Variants in COL23A1 observed in about 807,000 individuals in gnomAD.
The protein encoded by COL23A1 is collagen alpha-1(XXIII) chain.
Under a neutral mutation model 99.3 loss-of-function variants are expected in COL23A1, and 97 were observed. That is an observed-to-expected ratio of 0.98 (90% CI 0.83 to 1.16). COL23A1 has a LOEUF of 1.16. Among genes scored for constraint, COL23A1 ranks in the 50% most tolerant of loss-of-function variants. The probability of loss-of-function intolerance (pLI) is 0.00; values close to 1 mark genes in which losing one functional copy is unlikely to be tolerated. For missense variants in COL23A1, 762 were observed against 757.4 expected, an observed-to-expected ratio of 1.01 and a Z score of -0.07; for synonymous variants, 320 against 308.2, an observed-to-expected ratio of 1.04 and a Z score of -0.40.
At chr5:178,358,611 GTGTA>G (rs150988301) in intron 2 of COL23A1, among the ~76,000 whole-genome samples, 12,281 of 141,238 alleles carry the variant, frequency 0.087, 651 homozygotes, top group Middle Eastern at 0.17. Flanking sequence ...GTGTGTATGC[GTGTA>G]TGTATGTGTG....
At chr5:178,585,533 G>GGGGT (rs1370744822) in intron 1 of COL23A1, among the ~76,000 whole-genome samples, 1 of 151,170 alleles carries the variant, frequency 6.6e-6, no homozygotes, top group African/African-American at 2.4e-5. Flanking sequence ...GATGACGCTG[G>GGGGT]AGTAACACTC....
intron 2 of COL23A1, among the ~76,000 whole-genome samples, chr5:178,378,716 T>C (rs1763214871): frequency 6.6e-6 from 1 of 152,098 alleles, no homozygotes; most frequent in African/African-American, 2.4e-5. Context: ...GTTTGGTGCC[T>C]CCTGGGAAAG....
Position 178,449,485 on chromosome 5 carries a change from GTCCT to G in COL23A1, c.361+111193_361+111196del, listed in dbSNP as rs554802726. Among the ~76,000 whole-genome samples, 13 of 152,308 alleles carry G rather than the reference GTCCT, an allele frequency of 8.5e-5. No homozygotes were observed. In the South Asian group the frequency reaches 2.5e-3, roughly 29 times the overall value. ...CTACAAACCCGACAGCAACGACGCT[GTCCT>G]TCAAGCCTCATGAATAAAGCTGTTT... On this transcript the variant is annotated intron_variant, in intron 2 of 28. Coordinates refer to ENST00000390654, the MANE Select transcript of COL23A1 (RefSeq NM_173465.4).
intron 2 of COL23A1, among the ~76,000 whole-genome samples, chr5:178,404,613 C>A (rs767125201): frequency 6.6e-6 from 1 of 152,186 alleles, no homozygotes; most frequent in South Asian, 2.1e-4. Flanking sequence ...TGATCCCTGC[C>A]GCACATAGTG....
intron 2 of COL23A1, among the ~76,000 whole-genome samples, chr5:178,350,570 G>A (rs1461488043): frequency 1.3e-5 from 2 of 152,196 alleles, no homozygotes; most frequent in African/African-American, 2.4e-5. Context: ...GCTGCCCCAA[G>A]GATTCCTCAC....
At chr5:178,241,488 A>T (rs1764396328) in intron 27 of COL23A1, among the ~76,000 whole-genome samples, 2 of 152,118 alleles carry the variant, frequency 1.3e-5, no homozygotes, top group African/African-American at 4.8e-5. Flanking sequence ...GGGGAAGCTG[A>T]GTTTCAGCTC....
intron 2 of COL23A1, chr5:178,344,935 A>C (rs1760878412): frequency 1.5e-6 from 1 of 668,126 alleles, no homozygotes; most frequent in Non-Finnish European, 2.7e-6. Context: ...CTCGATCCAG[A>C]AAAGAGAAAG....
intron 2 of COL23A1, among the ~76,000 whole-genome samples, chr5:178,429,399 A>T (rs981578798): frequency 4.6e-5 from 7 of 152,232 alleles, no homozygotes; most frequent in Admixed American, 1.3e-4. Flanking sequence ...AAAGAAAAAC[A>T]AAATGCCAGG....
At chr5:178,374,379 C>T (rs1762958860) in intron 2 of COL23A1, among the ~76,000 whole-genome samples, 1 of 152,204 alleles carries the variant, frequency 6.6e-6, no homozygotes, top group Non-Finnish European at 1.5e-5. Context: ...TAATGGTCAC[C>T]ACTGCCTGCC....
intron 2 of COL23A1, among the ~76,000 whole-genome samples, chr5:178,542,062 C>T (rs544458812): frequency 4.9e-4 from 74 of 152,226 alleles, no homozygotes; most frequent in Admixed American, 1.5e-3. Context: ...TCACTCTTGT[C>T]GCCCAGGCTG....
At chr5:178,282,828 A>G (rs1162546480) in intron 5 of COL23A1, among the ~76,000 whole-genome samples, 1 of 151,124 alleles carries the variant, frequency 6.6e-6, no homozygotes, top group South Asian at 2.1e-4. Context: ...GGGATCTCCA[A>G]CCCCTTGGCA....
rs1761107322 is a variant in COL23A1, at chr5:178,348,335, T to C, written c.362-41416A>G. Among the ~76,000 whole-genome samples, 4 of 152,152 alleles carry C rather than the reference T, an allele frequency of 2.6e-5. No individual in the cohort carries two copies. In the South Asian group the frequency reaches 8.3e-4, roughly 31 times the overall value. On this transcript the variant is annotated intron_variant, in intron 2 of 28. Transcript: ENST00000390654. ...TGAAAAGAACCCCTCCTCTACCTCA[T>C]TGCTAATGGCTTTTTCTTACTGAGG...
intron 2 of COL23A1, among the ~76,000 whole-genome samples, chr5:178,326,934 G>A (rs111901045): frequency 4.3e-4 from 66 of 152,206 alleles, no homozygotes; most frequent in South Asian, 2.1e-4. Flanking sequence ...TGGTCAGGCT[G>A]GTCTCGAACT....
intron 2 of COL23A1, among the ~76,000 whole-genome samples, chr5:178,431,010 G>A (rs1236001019): frequency 3.9e-5 from 6 of 152,104 alleles, no homozygotes; most frequent in Non-Finnish European, 8.8e-5. Context: ...AGAGGGAGAC[G>A]GGCTAGGAAG....
intron 2 of COL23A1, among the ~76,000 whole-genome samples, chr5:178,478,304 G>T (rs926681158): frequency 1.3e-5 from 2 of 152,184 alleles, no homozygotes; most frequent in Non-Finnish European, 2.9e-5. Context: ...GCAGTGAGGG[G>T]TTGAGACACC....
At chr5:178,318,877 G>A (rs1056865195) in intron 2 of COL23A1, among the ~76,000 whole-genome samples, 2 of 151,060 alleles carry the variant, frequency 1.3e-5, no homozygotes, top group African/African-American at 4.9e-5. Context: ...ACTCTAGCCT[G>A]GGCGATACAG....
chr5:178,271,620 T>G (rs527320742), intron 5 of COL23A1, among the ~76,000 whole-genome samples: 4 of 152,308 alleles, frequency 2.6e-5, no homozygotes, highest in Admixed American at 2.0e-4. Flanking sequence ...GCAGGCAGCA[T>G]GTGCCCAGAA....
At position 178,280,937 on chromosome 5, in the gene COL23A1, GC is replaced by G. The variant is rs1217347154; in HGVS notation, c.441+7386del. On this transcript the variant is annotated intron_variant, in intron 5 of 28. Coordinates refer to ENST00000390654, the MANE Select transcript of COL23A1 (RefSeq NM_173465.4). The surrounding 1 kb of genome is among the most constrained non-coding windows in gnomAD (Gnocchi z 4.9). ...TGGGGTGGCCGCCTCCTGTGAATGG[GC>G]TGCCCCACATGGGACACTCACGGGG... Among the ~76,000 whole-genome samples the G allele has an allele frequency of 2.0e-5, 3 of 152,190 alleles. No homozygotes were observed. The highest frequency in any genetic ancestry group is 4.4e-5 in the Non-Finnish European group (3 of 68,040).
At chr5:178,250,381 C>T (rs561741751) in intron 17 of COL23A1, among the ~76,000 whole-genome samples, 30 of 152,330 alleles carry the variant, frequency 2.0e-4, no homozygotes, top group African/African-American at 5.1e-4. Context: ...CCAGGAACAA[C>T]GATGCCGGGA....
Sources: allele counts gnomAD v4.1 joint callset (sites outside exome capture counted in the v4.1 genomes callset), GRCh38; gene constraint gnomAD v4.1.1; non-coding constraint Gnocchi (gnomAD v3.1); transcripts MANE v1.5; gene names NCBI Gene and HGNC (gene_info 2026-07-23, HGNC 2026-07-21).